COL21A1: variants seen among roughly 807,000 people sequenced by gnomAD.
The protein encoded by COL21A1 is collagen type XXI alpha 1 chain.
A neutral mutation model predicts 137.9 loss-of-function variants in COL21A1; 149 were observed. The ratio of observed to expected loss-of-function variants is 1.08; its 90% CI spans 0.95 to 1.24. The LOEUF is 1.24. Among genes scored for constraint, COL21A1 ranks in the 50% most tolerant of loss-of-function variants. The pLI is 0.00. For missense variants in COL21A1, 1,167 were observed against 1,158.4 expected (o/e 1.01, Z -0.11); for synonymous variants, 456 against 391.5 (o/e 1.16, Z -1.95).
chr6:56,216,663 C>G (rs4126557), intron 1 of COL21A1, among the ~76,000 whole-genome samples: 96,089 of 151,850 alleles, frequency 0.63, 30,695 homozygotes, highest in East Asian at 0.86. Context: ...CAGCCTCTGA[C>G]CAAGAGAAGA....
intron 23 of COL21A1, among the ~76,000 whole-genome samples, chr6:56,066,848 A>G (rs1007278273): frequency 6.6e-6 from 1 of 151,670 alleles, no homozygotes; most frequent in Non-Finnish European, 1.5e-5. Context: ...TTTCTGGTTT[A>G]ATTTTCCTTT....
At chr6:56,263,941 T>C (rs779460435) in intron 1 of COL21A1, among the ~76,000 whole-genome samples, 38 of 151,342 alleles carry the variant, frequency 2.5e-4, no homozygotes, top group Non-Finnish European at 4.9e-4. Flanking sequence ...TAGTATTAGC[T>C]TCATAAAGAG....
At chr6:56,343,179 G>T (rs189948426) in intron 1 of COL21A1, among the ~76,000 whole-genome samples, 1 of 152,072 alleles carries the variant, frequency 6.6e-6, no homozygotes, top group African/African-American at 2.4e-5. Flanking sequence ...TCACCATAGG[G>T]ACCACCCAGA....
At chr6:56,276,812 T>C (rs1763672753) in intron 1 of COL21A1, 1 of 937,150 alleles carries the variant, frequency 1.1e-6, no homozygotes, top group South Asian at 1.4e-5. Context: ...TTTTTGTTTT[T>C]TTTGTTTTTT....
chr6:56,074,165 A>G (rs1007732354), intron 20 of COL21A1, 67 bp downstream of exon 20: 3 of 1,160,734 alleles, frequency 2.6e-6, no homozygotes, highest in African/African-American at 3.2e-5. Flanking sequence ...TAAAATTTTC[A>G]TCAAAGTTAT....
chr6:56,155,918 G>C (rs999436675), intron 10 of COL21A1, among the ~76,000 whole-genome samples: 3 of 152,114 alleles, frequency 2.0e-5, no homozygotes, highest in Non-Finnish European at 2.9e-5. Flanking sequence ...CTAATTCTTC[G>C]TGTTTACTCT....
rs150422975 is a variant in COL21A1, at chr6:56,218,846, G to C, written c.-39+28541C>G. On this transcript the variant is annotated intron_variant, in intron 1 of 29. Coordinates refer to ENST00000244728, the MANE Select transcript of COL21A1 (RefSeq NM_030820.4). ...GAGACAAGAGCCTTGAAGATGAGGAGCATAGTGGCCAGCCATCAGAAGTTG... is the reference window on the plus strand; with the variant it reads ...GAGACAAGAGCCTTGAAGATGAGGACCATAGTGGCCAGCCATCAGAAGTTG... 2.0e-5 allele frequency among the ~76,000 whole-genome samples: 3 copies of C among 152,170 alleles called. No individual in the cohort carries two copies. In the East Asian group the frequency reaches 5.8e-4, roughly 29 times the overall value.
chr6:56,379,010 C>T (rs2094004534), intron 1 of COL21A1, among the ~76,000 whole-genome samples: 1 of 152,250 alleles, frequency 6.6e-6, no homozygotes, highest in South Asian at 2.1e-4. Flanking sequence ...AAGAACCACA[C>T]AGCGTTACTG....
At chr6:56,270,838 T>C (rs1217545801) in intron 1 of COL21A1, among the ~76,000 whole-genome samples, 1 of 152,206 alleles carries the variant, frequency 6.6e-6, no homozygotes, top group East Asian at 1.9e-4. Context: ...AGGTGCCTGC[T>C]TCCCCTTCAC....
chr6:56,133,537 C>T (rs535329196), intron 12 of COL21A1, among the ~76,000 whole-genome samples: 58 of 152,152 alleles, frequency 3.8e-4, no homozygotes, highest in African/African-American at 1.2e-3. Flanking sequence ...AAATTTAAGC[C>T]GGCTGCAGGA....
intron 23 of COL21A1, 129 bp from the exon 24 acceptor site, chr6:56,064,751 A>C: frequency 1.9e-6 from 1 of 521,942 alleles, no homozygotes. Context: ...AAATATATAA[A>C]TTATGTGAGA....
intron 17 of COL21A1, among the ~76,000 whole-genome samples, chr6:56,097,164 C>T (rs968545048): frequency 1.3e-5 from 2 of 152,080 alleles, no homozygotes; most frequent in Non-Finnish European, 2.9e-5. Flanking sequence ...GGAAACTTGG[C>T]TTCCTCTTTG....
At chr6:56,071,064 T>C (rs1766705539) in intron 20 of COL21A1, among the ~76,000 whole-genome samples, 1 of 151,410 alleles carries the variant, frequency 6.6e-6, no homozygotes, top group Admixed American at 6.6e-5. Flanking sequence ...AGTCAAATCT[T>C]TAGTGGCCAG....
intron 1 of COL21A1, among the ~76,000 whole-genome samples, chr6:56,362,903 C>G (rs934604680): frequency 6.6e-6 from 1 of 152,092 alleles, no homozygotes; most frequent in African/African-American, 2.4e-5. Context: ...AACCCTACCC[C>G]CCACGCCCAC....
intron 23 of COL21A1, among the ~76,000 whole-genome samples, chr6:56,066,131 A>T (rs1210261695): frequency 2.0e-5 from 3 of 151,896 alleles, no homozygotes; most frequent in Non-Finnish European, 4.4e-5. Context: ...AGGAAATTAG[A>T]ATATATGGGT....
At position 56,276,594 on chromosome 6, in the gene COL21A1, C is replaced by T. The variant is rs114233719; in HGVS notation, c.-38-93938G>A. On this transcript the variant is annotated intron_variant, in intron 1 of 28. Coordinates refer to the COL21A1 transcript ENST00000370819. ...TTCTCCTCCTGGACATCAGAGAGAA[C>T]GCCAGGGTATTCTGGCAGAAGTTTA... 1.4e-3 allele frequency: 2,017 copies of T among 1,406,532 alleles called. 21 individuals carry two copies. The African/African-American group carries it at 0.022, about 15-fold the overall frequency. 87.1% of individuals were successfully genotyped at this position (1,406,532 alleles called of 1,614,324 possible). A position where few individuals can be genotyped will look rare whatever the true frequency, so the allele number is the denominator to read the frequency against.
intron 10 of COL21A1, among the ~76,000 whole-genome samples, chr6:56,151,089 G>A (rs1302507570): frequency 2.0e-5 from 3 of 152,110 alleles, no homozygotes; most frequent in Admixed American, 6.5e-5. Flanking sequence ...GACCGGGCGT[G>A]GTGGCAGGTG....
Position 56,285,613 on chromosome 6 carries a change from C to T in COL21A1, c.-38-102957G>A, listed in dbSNP as rs73745441. The stretch of plus-strand genomic sequence containing the variant: ...AGAAGAAGAAAACACGCCCAAAAGA[C>T]GACATTTATTATATTAAATTGGTAT... On this transcript the variant is annotated intron_variant, in intron 1 of 28. Transcript: ENST00000370819. Among the ~76,000 whole-genome samples the T allele has an allele frequency of 3.0e-3, 462 of 152,234 alleles. 4 individuals carry two copies. The highest frequency in any genetic ancestry group is 0.01 in the African/African-American group (427 of 41,538).
chr6:56,166,439 G>T (rs1036559463), intron 7 of COL21A1, among the ~76,000 whole-genome samples: 3 of 152,116 alleles, frequency 2.0e-5, no homozygotes, highest in African/African-American at 7.2e-5. Flanking sequence ...ATCACCTGCG[G>T]TCAGGAGTTC....
Sources: gnomAD v4.1 joint callset for allele counts (sites outside exome capture counted in the v4.1 genomes callset) on GRCh38, gnomAD v4.1.1 for gene constraint, MANE v1.5 for transcripts, NCBI Gene and HGNC (gene_info 2026-07-23, HGNC 2026-07-21) for gene names.